The following FDFT1 variants were observed in gnomAD, a reference collection of about 807,000 sequenced individuals.
The protein encoded by FDFT1 is farnesyl-diphosphate farnesyltransferase 1.
A neutral mutation model predicts 46.8 loss-of-function variants in FDFT1; 68 were observed. The ratio of observed to expected loss-of-function variants is 1.45; its 90% CI spans 1.19 to 1.78. FDFT1 has a LOEUF of 1.78. FDFT1 is among the 40% of genes most tolerant of loss of function. The probability of loss-of-function intolerance (pLI) is 0.00; values close to 1 mark genes in which losing one functional copy is unlikely to be tolerated. For missense variants in FDFT1, 928 were observed against 524.4 expected, an observed-to-expected ratio of 1.77 and a Z score of -7.52; for synonymous variants, 351 against 185.1, an observed-to-expected ratio of 1.90 and a Z score of -7.28.
intron 1 of FDFT1, among the ~76,000 whole-genome samples, chr8:11,805,823 C>G (rs193081102): frequency 9.2e-5 from 14 of 152,300 alleles, no homozygotes; most frequent in Admixed American, 5.2e-4. Context: ...TTTTCTAAAA[C>G]ACTAAAAATG....
intron 1 of FDFT1, 32 bp downstream of exon 1, chr8:11,802,963 G>A (rs940326910): frequency 6.4e-7 from 1 of 1,572,250 alleles, no homozygotes; most frequent in Admixed American, 1.9e-5. Context: ...GCCCGGGGCG[G>A]GGAAGGAGCT....
intron 1 of FDFT1, chr8:11,803,343 TTCTGGAATG>T (rs1806386649): frequency 2.3e-6 from 3 of 1,291,646 alleles, no homozygotes; most frequent in Non-Finnish European, 3.0e-6. Flanking sequence ...TGAAGGCCGT[TTCTGGAATG>T]AAGTCTGACT....
chr8:11,833,220 T>C (rs771089101), intron 7 of FDFT1, among the ~76,000 whole-genome samples: 1 of 152,192 alleles, frequency 6.6e-6, no homozygotes, highest in African/African-American at 2.4e-5. Flanking sequence ...AGAACTTACT[T>C]TGATCTATGT....
chr8:11,838,980 G>A lies in FDFT1; in HGVS notation c.*371G>A, dbSNP rs1046861594. 15 of 196,534 alleles carry A rather than the reference G, an allele frequency of 7.6e-5. No individual in the cohort carries two copies. Among genetic ancestry groups the A allele is most frequent in the Admixed American group, 4.8e-4 (9 of 18,700 alleles). 12.2% of individuals were successfully genotyped at this position (196,534 alleles called of 1,614,324 possible). ...AATTTGAAGCACCATTTGAATGTTC[G>A]TAATAGTAGAAAATGATGTGAATTT... On this transcript the variant is annotated 3_prime_UTR_variant, in exon 8 of 8. Coordinates refer to ENST00000220584, the MANE Select transcript of FDFT1 (RefSeq NM_004462.5).
At chr8:11,819,670 C>G (rs566454687) in intron 3 of FDFT1, among the ~76,000 whole-genome samples, 1 of 151,918 alleles carries the variant, frequency 6.6e-6, no homozygotes, top group Non-Finnish European at 1.5e-5. Context: ...TTGTGAAATT[C>G]TTGTACTTTG....
intron 5 of FDFT1, among the ~76,000 whole-genome samples, chr8:11,828,545 C>G (rs1810328604): frequency 6.6e-6 from 1 of 152,240 alleles, no homozygotes; most frequent in Non-Finnish European, 1.5e-5. Flanking sequence ...TCCATTGTCT[C>G]CCAGACAGAA....
Position 11,831,570 on chromosome 8 carries a change from AAGGGGCAG to A in FDFT1, c.933_940del (p.Lys311AsnfsTer35). The A allele has an allele frequency of 6.2e-7, 1 of 1,614,148 alleles. No homozygotes were observed. The highest frequency in any genetic ancestry group is 1.7e-5 in the Admixed American group (1 of 60,026). The stretch of plus-strand genomic sequence containing the variant: ...TGTTATAATAACCAGCAGGTGTTCA[AAGGGGCAG>A]TGAAGATTCGGAAAGGGCAAGCAGT... On this transcript the variant is annotated frameshift_variant, in exon 7 of 8. Coordinates refer to ENST00000220584, the MANE Select transcript of FDFT1 (RefSeq NM_004462.5). LOFTEE classifies it high-confidence loss of function.
chr8:11,808,383 G>C (rs886807622), intron 1 of FDFT1: 10 of 1,235,292 alleles, frequency 8.1e-6, no homozygotes, highest in Non-Finnish European at 9.1e-6. Flanking sequence ...GGGCTGCGGG[G>C]CTGCGGGGCG....
At position 11,832,551 on chromosome 8, in the gene FDFT1, C is replaced by CAAAAAAAAAAAAAA. The variant is rs531759815; in HGVS notation, c.1032+893_1032+906dup. 3.3e-3 allele frequency among the ~76,000 whole-genome samples: 121 copies of CAAAAAAAAAAAAAA among 36,370 alleles called. 14 individuals are homozygous for CAAAAAAAAAAAAAA. Among genetic ancestry groups the CAAAAAAAAAAAAAA allele is most frequent in the Middle Eastern group, 0.031 (1 of 32 alleles). 23.9% of individuals were successfully genotyped at this position (36,370 alleles called of 152,430 possible). Reference sequence around the variant, plus strand: ...TGGGTGATAGAGTGAGACTTTGTCTCAAAAAAAAAAAAAAAAAAAAAAAAA... The same window carrying CAAAAAAAAAAAAAA: ...TGGGTGATAGAGTGAGACTTTGTCTCAAAAAAAAAAAAAAAAAAAAAAAAAAAAAAAAAAAAAAA... On this transcript the variant is annotated intron_variant, in intron 7 of 7. Coordinates refer to ENST00000220584, the MANE Select transcript of FDFT1 (RefSeq NM_004462.5).
At chr8:11,819,788 A>G (rs1025001949) in intron 3 of FDFT1, among the ~76,000 whole-genome samples, 1 of 152,058 alleles carries the variant, frequency 6.6e-6, no homozygotes, top group Admixed American at 6.6e-5. Context: ...GATCGGTCAG[A>G]ACGTGCTGCT....
intron 1 of FDFT1, among the ~76,000 whole-genome samples, chr8:11,797,025 C>T (rs772710882): frequency 6.6e-6 from 1 of 152,330 alleles, no homozygotes; most frequent in East Asian, 1.9e-4. Context: ...CTGAAGACAT[C>T]TGTAGGAAAA....
Position 11,838,454 on chromosome 8 carries a change from C to T in FDFT1, c.1099C>T (p.Arg367Trp), listed in dbSNP as rs762205085. Residue 367 changes from arginine (R) to tryptophan (W), a missense_variant, in exon 8 of 8, where the codon CGG becomes TGG. By Grantham distance (101) the Arg-to-Trp change is moderately radical. Coordinates refer to ENST00000220584, the MANE Select transcript of FDFT1 (RefSeq NM_004462.5). Reference sequence around the variant, plus strand: ...AACAAGGCAGATCATCTCCACCATCCGGACGCAGAATCTTCCCAACTGTCA... The same window carrying T: ...AACAAGGCAGATCATCTCCACCATCTGGACGCAGAATCTTCCCAACTGTCA... ...SKTRQIISTIRTQNLPNCQLI... is the reference protein window; with the variant it reads ...SKTRQIISTIWTQNLPNCQLI... 3.5e-5 allele frequency: 57 copies of T among 1,608,368 alleles called. No individual in the cohort carries two copies. The highest frequency in any genetic ancestry group is 1.7e-4 in the Middle Eastern group (1 of 6,052).
chr8:11,824,061 C>T (rs889789408), intron 4 of FDFT1, among the ~76,000 whole-genome samples: 1 of 152,008 alleles, frequency 6.6e-6, no homozygotes, highest in Admixed American at 6.6e-5. Context: ...TGAGGTCTTG[C>T]TTTGTTGGCC....
intron 6 of FDFT1, among the ~76,000 whole-genome samples, chr8:11,831,084 C>G (rs567543910): frequency 9.2e-5 from 14 of 152,282 alleles, no homozygotes; most frequent in African/African-American, 2.6e-4. Flanking sequence ...TCTGGTTGTT[C>G]TCCCCCTGGC....
intron 6 of FDFT1, among the ~76,000 whole-genome samples, chr8:11,830,805 T>G (rs1810669967): frequency 1.3e-5 from 2 of 152,230 alleles, no homozygotes; most frequent in Admixed American, 6.5e-5. Flanking sequence ...GTCCTTTTCC[T>G]AGACCCGGCA....
Position 11,808,790 on chromosome 8 carries a change from G to T in FDFT1, c.100-4G>T, listed in dbSNP as rs758375331. Reference sequence around the variant, plus strand: ...CCACCGCCGTGTGTGTTGTCTGCCCGCAGGACTCGCTCAGCAGCAGCCTGA... The same window carrying T: ...CCACCGCCGTGTGTGTTGTCTGCCCTCAGGACTCGCTCAGCAGCAGCCTGA... On this transcript the variant is annotated splice_polypyrimidine_tract_variant and splice_region_variant and intron_variant, in intron 1 of 7. Transcript: ENST00000220584. The T allele has an allele frequency of 3.7e-6, 6 of 1,612,704 alleles. No individual in the cohort carries two copies. In the Admixed American group the frequency reaches 6.7e-5, roughly 18 times the overall value.
chr8:11,830,975 C>G (rs999065072), intron 6 of FDFT1, among the ~76,000 whole-genome samples: 10 of 152,150 alleles, frequency 6.6e-5, no homozygotes, highest in Non-Finnish European at 1.3e-4. Context: ...TTCTAATGAC[C>G]AACTTCGAAT....
intron 3 of FDFT1, among the ~76,000 whole-genome samples, chr8:11,812,966 C>G (rs1016567777): frequency 6.6e-6 from 1 of 152,158 alleles, no homozygotes; most frequent in Non-Finnish European, 1.5e-5. Flanking sequence ...CTGTGAACAT[C>G]ATAGAGTGTA....
At chr8:11,830,491 C>A in intron 6 of FDFT1, 71 bp downstream of exon 6, 1 of 1,107,448 alleles carries the variant, frequency 9.0e-7, no homozygotes, top group Non-Finnish European at 1.4e-6. Context: ...GTGGATTTTG[C>A]TGTGCTATAT....
Sources: gnomAD v4.1 joint callset for allele counts (sites outside exome capture counted in the v4.1 genomes callset) on GRCh38, gnomAD v4.1.1 for gene constraint, MANE v1.5 for transcripts, NCBI Gene and HGNC (gene_info 2026-07-23, HGNC 2026-07-21) for gene names.